Variants in ZCCHC7 observed in about 807,000 individuals in gnomAD.
ZCCHC7 encodes zinc finger CCHC-type containing 7.
A neutral mutation model predicts 52.0 loss-of-function variants in ZCCHC7; 35 were observed. The ratio of observed to expected loss-of-function variants is 0.67; its 90% confidence interval spans 0.51 to 0.89. The LOEUF is 0.89. Ranked by LOEUF, ZCCHC7 falls within the 40% of genes least tolerant of loss-of-function variation. The pLI, the probability that ZCCHC7 is intolerant of heterozygous loss-of-function variation, is 0.00. For missense variants in ZCCHC7, 574 were observed against 649.1 expected (o/e 0.88, Z 1.26); for synonymous variants, 217 against 221.5 (o/e 0.98, Z 0.18).
chr9:37,169,615 A>C (rs191647648), intron 2 of ZCCHC7, among the ~76,000 whole-genome samples: 1 of 152,198 alleles, frequency 6.6e-6, no homozygotes, highest in African/African-American at 2.4e-5. Context: ...TAAATTTGCT[A>C]TTTTCTTTAT....
At chr9:37,278,008 T>C (rs943035646) in intron 2 of ZCCHC7, among the ~76,000 whole-genome samples, 1 of 135,878 alleles carries the variant, frequency 7.4e-6, no homozygotes, top group Non-Finnish European at 1.6e-5. Context: ...AAAAAAGTTT[T>C]TTTGTTTGTG....
At chr9:37,267,610 C>T (rs1349727974) in intron 2 of ZCCHC7, among the ~76,000 whole-genome samples, 1 of 147,814 alleles carries the variant, frequency 6.8e-6, no homozygotes, top group East Asian at 2.0e-4. Flanking sequence ...CGCTCTGTCA[C>T]CCAGGCTGGA....
At chr9:37,298,163 A>G (rs1645877839) in intron 2 of ZCCHC7, among the ~76,000 whole-genome samples, 1 of 152,228 alleles carries the variant, frequency 6.6e-6, no homozygotes, top group African/African-American at 2.4e-5. Flanking sequence ...ATCACCATGC[A>G]CATATAAAGA....
At chr9:37,165,857 T>C (rs184357662) in intron 2 of ZCCHC7, among the ~76,000 whole-genome samples, 25 of 152,336 alleles carry the variant, frequency 1.6e-4, no homozygotes, top group East Asian at 3.9e-4. Context: ...ATCATCTGTT[T>C]TGGAAAATTC....
chr9:37,278,383 C>A (rs565877129), intron 2 of ZCCHC7, among the ~76,000 whole-genome samples: 1 of 152,072 alleles, frequency 6.6e-6, no homozygotes, highest in Non-Finnish European at 1.5e-5. Flanking sequence ...AATAAAAATT[C>A]ACTGTGTGAC....
At chr9:37,319,425 A>G (rs1239797422) in intron 5 of ZCCHC7, among the ~76,000 whole-genome samples, 1 of 151,958 alleles carries the variant, frequency 6.6e-6, no homozygotes, top group Non-Finnish European at 1.5e-5. Flanking sequence ...CAGATCACAC[A>G]GTTTTTTGTT....
intron 2 of ZCCHC7, among the ~76,000 whole-genome samples, chr9:37,224,498 C>T (rs1019154852): frequency 6.6e-6 from 1 of 152,132 alleles, no homozygotes; most frequent in Admixed American, 6.5e-5. Context: ...AAGCAGTCTA[C>T]AAAATAAAAT....
intron 1 of ZCCHC7, 21 bp downstream of exon 1, chr9:37,120,644 C>A (rs1029564414): frequency 7.7e-6 from 3 of 391,560 alleles, no homozygotes; most frequent in African/African-American, 4.1e-5. Context: ...GTGTGACGGA[C>A]CCCCGCCGCC....
At chr9:37,268,405 GAA>G (rs1306069820) in intron 2 of ZCCHC7, among the ~76,000 whole-genome samples, 1 of 136,264 alleles carries the variant, frequency 7.3e-6, no homozygotes, top group Non-Finnish European at 1.6e-5. Context: ...TGTCCTCACA[GAA>G]AAAAAAAAAA....
intron 2 of ZCCHC7, among the ~76,000 whole-genome samples, chr9:37,155,323 A>C (rs952781012): frequency 6.6e-6 from 1 of 152,026 alleles, no homozygotes; most frequent in Non-Finnish European, 1.5e-5. Context: ...ACTGCACTCC[A>C]TCCAGCCTGG....
chr9:37,137,711 G>T (rs1843057988), intron 2 of ZCCHC7, among the ~76,000 whole-genome samples: 1 of 152,118 alleles, frequency 6.6e-6, no homozygotes, highest in Non-Finnish European at 1.5e-5. Context: ...AGGTCTTAAG[G>T]TACAACTTTC....
intron 2 of ZCCHC7, among the ~76,000 whole-genome samples, chr9:37,198,843 G>A (rs1823431913): frequency 6.6e-6 from 1 of 152,180 alleles, no homozygotes; most frequent in African/African-American, 2.4e-5. Flanking sequence ...TAGAGTGAAG[G>A]AAGAGGCATC....
chr9:37,352,901 A>G (rs1821480125), intron 7 of ZCCHC7, among the ~76,000 whole-genome samples: 1 of 152,120 alleles, frequency 6.6e-6, no homozygotes, highest in Non-Finnish European at 1.5e-5. Flanking sequence ...AAAACAATCT[A>G]AATAATCCAG....
At position 37,357,149 on chromosome 9, in the gene ZCCHC7, A is replaced by T. The variant is rs777826143; in HGVS notation, c.1513A>T (p.Arg505Ter). ...CCGTTCATCACATTACCACACGTCA[A>T]GAGAAGACAAGTCTCCCAAGGAAGG... The part of the protein sequence containing the change: ...FHRSSHYHTS[R>*]EDKSPKEGKR... The change falls in exon 9 of 9, where the codon AGA (arginine) becomes TGA (stop). Residue 505 changes from arginine (R) to a stop codon, truncating the protein, a stop_gained. Coordinates refer to ENST00000336755, the MANE Select transcript of ZCCHC7 (RefSeq NM_032226.3). LOFTEE classifies it high-confidence loss of function. The T allele has an allele frequency of 1.5e-5, 24 of 1,613,540 alleles. No homozygotes were observed. In the Admixed American group the frequency reaches 1.5e-4, roughly 10 times the overall value.
At chr9:37,200,459 C>G (rs558656522) in intron 2 of ZCCHC7, among the ~76,000 whole-genome samples, 2 of 152,210 alleles carry the variant, frequency 1.3e-5, no homozygotes, top group South Asian at 2.1e-4. Context: ...AGCTATAATC[C>G]CAGCTGTTCT....
At chr9:37,151,651 A>C (rs993794701) in intron 2 of ZCCHC7, among the ~76,000 whole-genome samples, 1 of 151,954 alleles carries the variant, frequency 6.6e-6, no homozygotes, top group Non-Finnish European at 1.5e-5. Flanking sequence ...CTAAAAATAC[A>C]AAAATTAGCC....
At chr9:37,232,535 A>G (rs907644720) in intron 2 of ZCCHC7, among the ~76,000 whole-genome samples, 2 of 152,222 alleles carry the variant, frequency 1.3e-5, no homozygotes, top group African/African-American at 4.8e-5. Flanking sequence ...ACTATGCCCC[A>G]TAGGCCAAAT....
intron 2 of ZCCHC7, among the ~76,000 whole-genome samples, chr9:37,146,999 T>A (rs1022521085): frequency 6.6e-6 from 1 of 151,836 alleles, no homozygotes; most frequent in African/African-American, 2.4e-5. Context: ...TCTAATAGAG[T>A]AGGTCCAGAA....
intron 2 of ZCCHC7, among the ~76,000 whole-genome samples, chr9:37,166,817 A>C (rs78175272): frequency 6.6e-6 from 1 of 152,052 alleles, no homozygotes; most frequent in Non-Finnish European, 1.5e-5. Flanking sequence ...GGTTATTTAG[A>C]AGTGTGTTAT....
Sources: gnomAD v4.1 joint callset for allele counts (sites outside exome capture counted in the v4.1 genomes callset) on GRCh38, gnomAD v4.1.1 for gene constraint, MANE v1.5 for transcripts, NCBI Gene and HGNC (gene_info 2026-07-23, HGNC 2026-07-21) for gene names.